Variants in PDE7B observed in about 807,000 individuals in gnomAD.
The protein encoded by PDE7B is 3',5'-cyclic-AMP phosphodiesterase 7B.
A neutral mutation model predicts 56.2 loss-of-function variants in PDE7B; 29 were observed. The ratio of observed to expected loss-of-function variants is 0.52; its 90% CI spans 0.38 to 0.70. The LOEUF (loss-of-function observed/expected upper bound fraction) is 0.70, where lower values mean the gene tolerates loss of function less well. Among genes scored for constraint, PDE7B ranks in the 30% least tolerant of loss-of-function variants. PDE7B has a pLI of 0.00. For synonymous variants in PDE7B, 197 were observed against 196.9 expected (o/e 1.00, Z 0.00); for missense variants, 490 against 565.0 (o/e 0.87, Z 1.35).
chr6:136,017,855 C>T (rs1776003744), intron 2 of PDE7B, among the ~76,000 whole-genome samples: 1 of 152,054 alleles, frequency 6.6e-6, no homozygotes, highest in Non-Finnish European at 1.5e-5. Flanking sequence ...GAATTTTAAT[C>T]TAAATATGAT....
intron 3 of PDE7B, among the ~76,000 whole-genome samples, chr6:136,145,686 T>A (rs1051067034): frequency 2.0e-5 from 3 of 152,180 alleles, no homozygotes; most frequent in African/African-American, 7.2e-5. Flanking sequence ...ACAATCTTCA[T>A]GAAGCTTCTA....
chr6:135,927,426 T>C (rs1310002968), intron 1 of PDE7B, among the ~76,000 whole-genome samples: 2 of 152,126 alleles, frequency 1.3e-5, no homozygotes. Context: ...CTATGAAAAA[T>C]GATGTTGGTA....
At chr6:136,006,087 C>T (rs924292910) in intron 2 of PDE7B, among the ~76,000 whole-genome samples, 1 of 151,066 alleles carries the variant, frequency 6.6e-6, no homozygotes, top group African/African-American at 2.4e-5. Context: ...TCATCATTCT[C>T]AGTAAACTAT....
chr6:135,882,326 T>TC (rs932199333), intron 1 of PDE7B, among the ~76,000 whole-genome samples: 1 of 152,116 alleles, frequency 6.6e-6, no homozygotes, highest in African/African-American at 2.4e-5. Flanking sequence ...GAACCTCATG[T>TC]AAAAAAATAA....
chr6:135,910,060 G>A (rs1314717854), intron 1 of PDE7B, among the ~76,000 whole-genome samples: 1 of 152,204 alleles, frequency 6.6e-6, no homozygotes, highest in Non-Finnish European at 1.5e-5. Context: ...TGTGGGAATA[G>A]GTGAGGATAT....
chr6:136,191,013 C>CTTTTTTTTTTTTTTTTT lies in PDE7B; in HGVS notation c.1127-593_1127-577dup, dbSNP rs752187218. 9.7e-4 allele frequency among the ~76,000 whole-genome samples: 96 copies of CTTTTTTTTTTTTTTTTT among 99,284 alleles called. 9 individuals are homozygous for CTTTTTTTTTTTTTTTTT. Among genetic ancestry groups the CTTTTTTTTTTTTTTTTT allele is most frequent in the African/African-American group, 7.3e-3 (81 of 11,118 alleles). 65.1% of individuals were successfully genotyped at this position (99,284 alleles called of 152,430 possible). A position where few individuals can be genotyped will look rare whatever the true frequency, so the allele number is the denominator to read the frequency against. ...CTGCCTTCTTTAGCTCCAGCATACA[C>CTTTTTTTTTTTTTTTTT]TTTTTTTTTTTTTTTTTTTTTTTTA... On this transcript the variant is annotated intron_variant, in intron 12 of 12. Coordinates refer to ENST00000308191, the MANE Select transcript of PDE7B (RefSeq NM_018945.4).
At chr6:136,086,420 C>A (rs1005806272) in intron 2 of PDE7B, among the ~76,000 whole-genome samples, 3 of 151,916 alleles carry the variant, frequency 2.0e-5, no homozygotes, top group Non-Finnish European at 2.9e-5. Context: ...GAAGAGGCTC[C>A]CCCTGTACAG....
intron 1 of PDE7B, among the ~76,000 whole-genome samples, chr6:135,864,540 G>C (rs536390927): frequency 1.3e-5 from 2 of 151,906 alleles, no homozygotes; most frequent in African/African-American, 4.8e-5. Context: ...CACTTTTATT[G>C]TTTCTGTTGA....
chr6:136,176,701 C>T, intron 9 of PDE7B, among the ~76,000 whole-genome samples: 1 of 152,076 alleles, frequency 6.6e-6, no homozygotes, highest in East Asian at 1.9e-4. Flanking sequence ...GCTTTTTCCA[C>T]TAATTCCTAA....
intron 2 of PDE7B, among the ~76,000 whole-genome samples, chr6:136,105,541 AT>A (rs1167918590): frequency 1.3e-5 from 2 of 152,228 alleles, no homozygotes; most frequent in African/African-American, 2.4e-5. Context: ...GAGATAATAC[AT>A]GTAAAATCCT....
intron 1 of PDE7B, among the ~76,000 whole-genome samples, chr6:135,904,154 T>C (rs1476734077): frequency 6.6e-6 from 1 of 152,220 alleles, no homozygotes; most frequent in Admixed American, 6.5e-5. Context: ...CTGGACTTTT[T>C]CAAGGCTTTT....
chr6:136,006,327 C>G (rs989752506), intron 2 of PDE7B, among the ~76,000 whole-genome samples: 1 of 151,834 alleles, frequency 6.6e-6, no homozygotes, highest in Non-Finnish European at 1.5e-5. Context: ...GTACATTGTG[C>G]ACATGTACCC....
At chr6:135,888,061 T>C (rs570620403) in intron 1 of PDE7B, among the ~76,000 whole-genome samples, 1 of 152,290 alleles carries the variant, frequency 6.6e-6, no homozygotes, top group East Asian at 1.9e-4. Flanking sequence ...ACTATAGTAC[T>C]ATTGGCATTT....
At chr6:136,086,229 G>A (rs1777289923) in intron 2 of PDE7B, among the ~76,000 whole-genome samples, 1 of 152,200 alleles carries the variant, frequency 6.6e-6, no homozygotes, top group Non-Finnish European at 1.5e-5. Flanking sequence ...CTAGTACTCA[G>A]TGTCATCCTG....
chr6:136,057,344 A>C (rs764457505), intron 2 of PDE7B, among the ~76,000 whole-genome samples: 1 of 152,202 alleles, frequency 6.6e-6, no homozygotes, highest in Non-Finnish European at 1.5e-5. Context: ...CTTTTGGCTT[A>C]ATTATATTTG....
chr6:135,888,542 A>G (rs1278942080), intron 1 of PDE7B, among the ~76,000 whole-genome samples: 1 of 152,084 alleles, frequency 6.6e-6, no homozygotes, highest in African/African-American at 2.4e-5. Flanking sequence ...TATACTTATT[A>G]TAGGTATAAA....
intron 2 of PDE7B, chr6:136,037,664 G>T: frequency 1.0e-6 from 1 of 985,446 alleles, no homozygotes; most frequent in African/African-American, 1.7e-5. Flanking sequence ...GTACCACAGG[G>T]GTGACTCCTC....
intron 1 of PDE7B, among the ~76,000 whole-genome samples, chr6:135,938,107 G>A (rs1295310355): frequency 6.6e-6 from 1 of 152,182 alleles, no homozygotes; most frequent in Non-Finnish European, 1.5e-5. Context: ...TTGAGGAATA[G>A]GTTTGGGATT....
chr6:135,892,801 C>T (rs1775831685), intron 1 of PDE7B, among the ~76,000 whole-genome samples: 1 of 152,144 alleles, frequency 6.6e-6, no homozygotes, highest in African/African-American at 2.4e-5. Flanking sequence ...TTGAATATTT[C>T]TCAGTATCTT....
Sources: gnomAD v4.1 joint callset for allele counts (sites outside exome capture counted in the v4.1 genomes callset) on GRCh38, gnomAD v4.1.1 for gene constraint, MANE v1.5 for transcripts, NCBI Gene and HGNC (gene_info 2026-07-23, HGNC 2026-07-21) for gene names.